SAXO4: variants seen among roughly 807,000 people sequenced by gnomAD.
The protein encoded by SAXO4 is stabilizer of axonemal microtubules 4.
At chr11:61,485,958 T>C in the SAXO4 span, 1 of 1,328,918 alleles carries the variant, frequency 7.5e-7, no homozygotes, top group South Asian at 1.2e-5. Flanking sequence ...CTTGAAGCCC[T>C]CCAGTCTCAG....
At chr11:61,483,119 C>T in the SAXO4 span, among the ~76,000 whole-genome samples, 9 of 152,090 alleles carry the variant, frequency 5.9e-5, no homozygotes, top group East Asian at 1.7e-3. Flanking sequence ...CCACCACTGT[C>T]CCCCCACCAT....
chr11:61,490,005 G>C, the SAXO4 span: 5 of 1,503,894 alleles, frequency 3.3e-6, no homozygotes, highest in Non-Finnish European at 4.5e-6. Context: ...CGTGTGCCAG[G>C]CCTTTCCCTT....
At chr11:61,488,241 C>A in the SAXO4 span, among the ~76,000 whole-genome samples, 1 of 151,384 alleles carries the variant, frequency 6.6e-6, no homozygotes, top group Non-Finnish European at 1.5e-5. Context: ...CCTGCTTTGG[C>A]CTCCCAAAGT....
the SAXO4 span, chr11:61,490,503 C>A: frequency 6.2e-7 from 1 of 1,614,094 alleles, no homozygotes; most frequent in Admixed American, 1.7e-5. Context: ...CCCTGCAGAA[C>A]CCTGACCTCA....
the SAXO4 span, among the ~76,000 whole-genome samples, chr11:61,487,446 G>A: frequency 9.9e-5 from 15 of 152,170 alleles, no homozygotes; most frequent in Non-Finnish European, 1.9e-4. Context: ...AGGGATGAGG[G>A]AGGGAAGGCA....
chr11:61,486,465 G>A, the SAXO4 span: 5 of 1,612,832 alleles, frequency 3.1e-6, no homozygotes, highest in African/African-American at 2.7e-5. Flanking sequence ...ACATGGCTCT[G>A]GAAGGTGGTG....
chr11:61,482,827 C>T, the SAXO4 span: 4 of 1,579,880 alleles, frequency 2.5e-6, no homozygotes, highest in African/African-American at 5.4e-5. Flanking sequence ...TGGGCCAGGG[C>T]CAGGAGAGGG....
chr11:61,485,226 CCA>C, the SAXO4 span: 1 of 913,582 alleles, frequency 1.1e-6, no homozygotes, highest in Non-Finnish European at 1.7e-6. Flanking sequence ...CTGTACTGGC[CCA>C]CACAGGCTTC....
At chr11:61,486,449 G>A in the SAXO4 span, 1 of 1,613,544 alleles carries the variant, frequency 6.2e-7, no homozygotes, top group South Asian at 1.1e-5. Context: ...GCGGGGAGCA[G>A]TTAGAACATG....
At chr11:61,485,715 C>G in the SAXO4 span, 4 of 1,055,962 alleles carry the variant, frequency 3.8e-6, no homozygotes, top group Non-Finnish European at 4.3e-6. Context: ...TCCACTCCCT[C>G]TGCACCTGCT....
At chr11:61,486,494 T>C in the SAXO4 span, 1 of 1,610,736 alleles carries the variant, frequency 6.2e-7, no homozygotes, top group Non-Finnish European at 8.5e-7. Flanking sequence ...AGCCACATCC[T>C]GGTGCCAGTG....
the SAXO4 span, chr11:61,489,509 C>T: frequency 1.7e-6 from 1 of 572,940 alleles, no homozygotes; most frequent in Non-Finnish European, 3.1e-6. Context: ...GAGACGGGGT[C>T]CCCACCCCAA....
At chr11:61,486,633 T>C in the SAXO4 span, 1 of 1,607,096 alleles carries the variant, frequency 6.2e-7, no homozygotes, top group South Asian at 1.1e-5. Context: ...GGCGTCTTGC[T>C]CAGAGAAGGG....
the SAXO4 span, among the ~76,000 whole-genome samples, chr11:61,488,478 G>T: frequency 3.9e-5 from 6 of 152,012 alleles, no homozygotes; most frequent in Admixed American, 2.6e-4. Context: ...CTACATTTTT[G>T]TATTTTTAGT....
At chr11:61,487,602 G>C in the SAXO4 span, among the ~76,000 whole-genome samples, 26 of 152,172 alleles carry the variant, frequency 1.7e-4, no homozygotes, top group Non-Finnish European at 3.8e-4. Context: ...TTGGTTAAAG[G>C]CTATCCCCAG....
At chr11:61,485,448 C>T in the SAXO4 span, 2 of 1,548,418 alleles carry the variant, frequency 1.3e-6, no homozygotes, top group South Asian at 2.3e-5. Flanking sequence ...TTCCAATCCA[C>T]CTCCCTACTT....
At chr11:61,482,029 A>G in the SAXO4 span, 127 of 787,294 alleles carry the variant, frequency 1.6e-4, 1 homozygote, top group African/African-American at 2.1e-3. Context: ...GCAACTGCTG[A>G]ATCCGTTTGT....
At chr11:61,487,874 G>A in the SAXO4 span, among the ~76,000 whole-genome samples, 1 of 152,210 alleles carries the variant, frequency 6.6e-6, no homozygotes, top group East Asian at 1.9e-4. Context: ...TGGGCATCAG[G>A]GAGGGCTTCC....
chr11:61,485,512 A>G, the SAXO4 span: 11 of 985,730 alleles, frequency 1.1e-5, no homozygotes, highest in Non-Finnish European at 1.7e-5. Flanking sequence ...CCAGTGGAAG[A>G]AAGAAGGATG....
Sources: gnomAD v4.1 joint callset for allele counts (sites outside exome capture counted in the v4.1 genomes callset) on GRCh38, gnomAD v4.1.1 for gene constraint, MANE v1.5 for transcripts, NCBI Gene and HGNC (gene_info 2026-07-23, HGNC 2026-07-21) for gene names.